Variants in NR3C2 observed in about 807,000 individuals in gnomAD.
NR3C2 encodes mineralocorticoid receptor.
A neutral mutation model predicts 86.4 loss-of-function variants in NR3C2; 15 were observed. The observed-to-expected ratio is 0.17, with a 90% CI of 0.12 to 0.27. The LOEUF (loss-of-function observed/expected upper bound fraction) is 0.27, where lower values mean the gene tolerates loss of function less well. NR3C2 is among the 10% of genes least tolerant of loss of function. The pLI, the probability that NR3C2 is intolerant of heterozygous loss-of-function variation, is 1.00. For synonymous variants in NR3C2, 458 were observed against 450.5 expected (o/e 1.02, Z -0.21); for missense variants, 960 against 1,195.6 (o/e 0.80, Z 2.91).
intron 4 of NR3C2, among the ~76,000 whole-genome samples, chr4:148,182,868 G>A (rs1735708348): frequency 6.6e-6 from 1 of 152,132 alleles, no homozygotes; most frequent in Non-Finnish European, 1.5e-5. Context: ...TGTGCACAAC[G>A]TGCAGGTTTG....
chr4:148,369,472 T>C (rs977464014), intron 2 of NR3C2, among the ~76,000 whole-genome samples: 1 of 152,214 alleles, frequency 6.6e-6, no homozygotes, highest in Middle Eastern at 3.2e-3. Flanking sequence ...CAGAAACATA[T>C]ACTTCACTTT....
At chr4:148,194,932 A>C in intron 3 of NR3C2, 70 bp from the exon 4 acceptor site, 1 of 1,093,560 alleles carries the variant, frequency 9.1e-7, no homozygotes, top group East Asian at 2.4e-5. Flanking sequence ...ATGTATACTC[A>C]GAATATAAAA....
chr4:148,176,049 C>A (rs972407206), intron 4 of NR3C2, among the ~76,000 whole-genome samples: 1 of 152,092 alleles, frequency 6.6e-6, no homozygotes, highest in African/African-American at 2.4e-5. Context: ...CAGTTGCTGA[C>A]CATCAGATGC....
intron 2 of NR3C2, among the ~76,000 whole-genome samples, chr4:148,320,081 C>T (rs372457114): frequency 4.8e-5 from 6 of 124,566 alleles, no homozygotes; most frequent in African/African-American, 2.2e-4. Context: ...GAGTTTTTAG[C>T]ATGAATGGTT....
chr4:148,221,141 C>T (rs1201789948), intron 3 of NR3C2, among the ~76,000 whole-genome samples: 2 of 152,258 alleles, frequency 1.3e-5, no homozygotes, highest in African/African-American at 4.8e-5. Context: ...TTCCTTATAT[C>T]TCCCTCAGTG....
upstream of NR3C2, chr4:148,444,774 C>G: frequency 1.0e-6 from 1 of 984,932 alleles, no homozygotes; most frequent in Non-Finnish European, 1.2e-6. Flanking sequence ...ACCCGCCCGC[C>G]CCCAGCGGCG....
At position 148,165,498 on chromosome 4, in the gene NR3C2, A is replaced by G. The variant is rs568984494; in HGVS notation, c.2015-10597T>C. Among the ~76,000 whole-genome samples the G allele has an allele frequency of 2.2e-3, 332 of 152,284 alleles. 2 individuals are homozygous for G. The highest frequency in any genetic ancestry group is 7.3e-3 in the African/African-American group (304 of 41,568). On this transcript the variant is annotated intron_variant, in intron 4 of 8. Transcript: ENST00000358102. ...GTTCAACAGTCTTTCTGTGAAATAA[A>G]TTACTTATGACTACATCATTATAAT...
At chr4:148,152,448 G>A in intron 6 of NR3C2, 21 bp downstream of exon 6, 1 of 1,610,262 alleles carries the variant, frequency 6.2e-7, no homozygotes, top group Non-Finnish European at 8.5e-7. Flanking sequence ...ATTTTATGAA[G>A]GCTAATTAAT....
intron 2 of NR3C2, among the ~76,000 whole-genome samples, chr4:148,289,937 C>T (rs574564271): frequency 4.9e-4 from 75 of 152,130 alleles, no homozygotes; most frequent in Admixed American, 9.8e-4. Flanking sequence ...CCTCCAACCA[C>T]AGGAGCATGC....
intron 2 of NR3C2, among the ~76,000 whole-genome samples, chr4:148,427,939 G>A (rs76181316): frequency 7.9e-5 from 12 of 152,100 alleles, no homozygotes; most frequent in Non-Finnish European, 1.8e-4. Context: ...AAACAATGAC[G>A]CCATGCTGAT....
intron 2 of NR3C2, among the ~76,000 whole-genome samples, chr4:148,382,855 A>T (rs1747069290): frequency 6.6e-6 from 1 of 152,158 alleles, no homozygotes; most frequent in Admixed American, 6.5e-5. Flanking sequence ...GGATCTCACG[A>T]AGGAAGCTGA....
intron 2 of NR3C2, among the ~76,000 whole-genome samples, chr4:148,416,035 TATC>T (rs1402198780): frequency 6.6e-6 from 1 of 152,140 alleles, no homozygotes; most frequent in African/African-American, 2.4e-5. Context: ...TAGAGCTGCA[TATC>T]ATAATATTAA....
intron 8 of NR3C2, among the ~76,000 whole-genome samples, chr4:148,088,247 A>C (rs1272074651): frequency 6.6e-6 from 1 of 152,202 alleles, no homozygotes; most frequent in Non-Finnish European, 1.5e-5. Context: ...AGAAATAAGA[A>C]CACTTTTATA....
chr4:148,318,626 G>C (rs930722754), intron 2 of NR3C2, among the ~76,000 whole-genome samples: 10 of 152,224 alleles, frequency 6.6e-5, no homozygotes, highest in Non-Finnish European at 1.3e-4. Flanking sequence ...CTAACGGCCA[G>C]TGATGATGAG....
chr4:148,229,255 G>A (rs1261408011), intron 3 of NR3C2, among the ~76,000 whole-genome samples: 2 of 152,154 alleles, frequency 1.3e-5, no homozygotes, highest in Non-Finnish European at 2.9e-5. Context: ...ACTGGGAGAA[G>A]CCTGGCCTCT....
chr4:148,395,883 G>C (rs997708263), intron 2 of NR3C2, among the ~76,000 whole-genome samples: 1 of 152,184 alleles, frequency 6.6e-6, no homozygotes, highest in African/African-American at 2.4e-5. Context: ...ACCATGTGTT[G>C]TGCTGGATGT....
intron 2 of NR3C2, among the ~76,000 whole-genome samples, chr4:148,401,804 G>A (rs1748182705): frequency 6.6e-6 from 1 of 152,044 alleles, no homozygotes; most frequent in Non-Finnish European, 1.5e-5. Context: ...TTTTCTCCAT[G>A]CCTTTTTCCC....
At chr4:148,393,148 T>C (rs972997628) in intron 2 of NR3C2, among the ~76,000 whole-genome samples, 1 of 152,218 alleles carries the variant, frequency 6.6e-6, no homozygotes, top group Non-Finnish European at 1.5e-5. Flanking sequence ...CTTATCTTTG[T>C]TTCATCACAT....
intron 3 of NR3C2, among the ~76,000 whole-genome samples, chr4:148,254,951 T>C (rs77024258): frequency 6.6e-6 from 1 of 152,196 alleles, no homozygotes; most frequent in East Asian, 1.9e-4. Flanking sequence ...TAACTGTACA[T>C]TGCCAGCTAT....
Sources: gnomAD v4.1 joint callset for allele counts (sites outside exome capture counted in the v4.1 genomes callset) on GRCh38, gnomAD v4.1.1 for gene constraint, MANE v1.5 for transcripts, NCBI Gene and HGNC (gene_info 2026-07-23, HGNC 2026-07-21) for gene names.